Variants in NEBL observed in about 807,000 individuals in gnomAD.
NEBL encodes the protein LIM and SH3 protein 2.
NEBL carries 122 observed loss-of-function variants against 140.2 expected under a neutral mutation model. The observed-to-expected ratio is 0.87, with a 90% CI of 0.75 to 1.01. The LOEUF (loss-of-function observed/expected upper bound fraction) is 1.01, where lower values mean the gene tolerates loss of function less well. Among genes scored for constraint, NEBL ranks in the 50% least tolerant of loss-of-function variants. The probability of loss-of-function intolerance (pLI) is 0.00; values close to 1 mark genes in which losing one functional copy is unlikely to be tolerated. For synonymous variants in NEBL, 436 were observed against 398.9 expected (o/e 1.09, Z -1.11); for missense variants, 1,365 against 1,231.3 (o/e 1.11, Z -1.62).
chr10:21,255,534 C>A (rs916570446), intron 1 of NEBL, among the ~76,000 whole-genome samples: 1 of 151,978 alleles, frequency 6.6e-6, no homozygotes, highest in South Asian at 2.1e-4. Flanking sequence ...AATTTGGGTT[C>A]CTTCATTATA....
chr10:21,055,042 G>A (rs1834948816), intron 2 of NEBL, among the ~76,000 whole-genome samples: 1 of 152,336 alleles, frequency 6.6e-6, no homozygotes, highest in Admixed American at 6.5e-5. Context: ...CCCTGAAGAA[G>A]AAAATGTATC....
chr10:20,995,242 C>A (rs944139441), intron 3 of NEBL, among the ~76,000 whole-genome samples: 12 of 152,268 alleles, frequency 7.9e-5, no homozygotes, highest in Non-Finnish European at 1.6e-4. Flanking sequence ...CCAGAGCTGA[C>A]AGAGCCGGCA....
intron 3 of NEBL, among the ~76,000 whole-genome samples, chr10:21,199,049 G>A (rs567476683): frequency 6.6e-6 from 1 of 150,782 alleles, no homozygotes; most frequent in Non-Finnish European, 1.5e-5. Flanking sequence ...CTGCACAACA[G>A]GGTCTTGCTG....
intron 13 of NEBL, among the ~76,000 whole-genome samples, chr10:20,836,928 TA>T (rs1273098860): frequency 1.3e-5 from 2 of 152,274 alleles, no homozygotes; most frequent in East Asian, 3.9e-4. Context: ...AATGCACCCC[TA>T]TAAGTCAGTG....
At chr10:21,180,881 C>A (rs907006619) in intron 3 of NEBL, among the ~76,000 whole-genome samples, 2 of 152,122 alleles carry the variant, frequency 1.3e-5, no homozygotes, top group African/African-American at 4.8e-5. Flanking sequence ...ATTTTACTCT[C>A]CTAGACAGGA....
chr10:20,812,427 C>T (rs900021773), intron 24 of NEBL, among the ~76,000 whole-genome samples: 7 of 151,272 alleles, frequency 4.6e-5, no homozygotes, highest in African/African-American at 1.2e-4. Context: ...ACCCTTAACT[C>T]GTCATTTACA....
intron 3 of NEBL, among the ~76,000 whole-genome samples, chr10:20,977,264 TAA>T (rs148278297): frequency 0.072 from 11,004 of 152,158 alleles, 864 homozygotes; most frequent in East Asian, 0.36. Context: ...GACCTAAAGT[TAA>T]AAGAGAAAGA....
At chr10:21,252,674 G>A (rs1216603359) in intron 1 of NEBL, among the ~76,000 whole-genome samples, 1 of 152,208 alleles carries the variant, frequency 6.6e-6, no homozygotes, top group Non-Finnish European at 1.5e-5. Context: ...AGGCAGAGGA[G>A]GCTGGGCGCG....
At chr10:20,941,763 C>G (rs991806744) in intron 4 of NEBL, among the ~76,000 whole-genome samples, 1 of 151,992 alleles carries the variant, frequency 6.6e-6, no homozygotes, top group African/African-American at 2.4e-5. Flanking sequence ...AATCAATGTG[C>G]AAAAATCACA....
rs1381928482 is a variant in NEBL at position 21,047,542 on chromosome 10, A to C, written c.165-27341T>G. ...GCCCCAAATGAAGCTTTTTTTAAAA[A>C]AAAAAAGATTTTTTTTAACACACAC... On this transcript the variant is annotated intron_variant, in intron 2 of 6. Transcript: ENST00000417816. 2.0e-5 allele frequency among the ~76,000 whole-genome samples: 3 copies of C among 152,134 alleles called. No homozygotes were observed. The East Asian group carries it at 5.8e-4, about 29-fold the overall frequency.
At chr10:20,843,677 T>C (rs1841597663) in intron 12 of NEBL, among the ~76,000 whole-genome samples, 1 of 152,122 alleles carries the variant, frequency 6.6e-6, no homozygotes, top group African/African-American at 2.4e-5. Flanking sequence ...GCCAACTATT[T>C]CTCTTTTTTC....
intron 3 of NEBL, among the ~76,000 whole-genome samples, chr10:21,006,134 G>A (rs1019879003): frequency 2.6e-5 from 4 of 151,976 alleles, no homozygotes; most frequent in Non-Finnish European, 5.9e-5. Context: ...TTAAATGATC[G>A]CATCATATTC....
intron 3 of NEBL, among the ~76,000 whole-genome samples, chr10:21,002,013 T>C (rs530798164): frequency 1.3e-5 from 2 of 152,142 alleles, no homozygotes; most frequent in Admixed American, 1.3e-4. Flanking sequence ...GTAATTAAGG[T>C]GATTTGTTAG....
At chr10:21,153,058 G>C (rs944869593) in intron 2 of NEBL, among the ~76,000 whole-genome samples, 1 of 152,118 alleles carries the variant, frequency 6.6e-6, no homozygotes, top group African/African-American at 2.4e-5. Context: ...CACATCACGA[G>C]CCTTCTAGCT....
At position 20,812,895 on chromosome 10, in the gene NEBL, T is replaced by A; in HGVS notation, c.2392A>T (p.Thr798Ser). Residue 798 changes from threonine to serine, a missense_variant, in exon 24 of 28, where the codon ACT (threonine) becomes TCT (serine). This residue lies in a region of NEBL where 1,323 missense variants were observed against 1,154.8 expected (regional missense o/e 1.15). Coordinates refer to ENST00000377122, the MANE Select transcript of NEBL (RefSeq NM_006393.3). ...DFEKTKGRGF[T>S]PVVDDPVTER... ...GTCACAGGATCGTCCACGACGGGAG[T>A]AAAGCCTCTCCCCTTTGTTTTTTCA... 1.2e-6 allele frequency: 2 copies of A among 1,613,954 alleles called. No individual in the cohort carries two copies. Among genetic ancestry groups the A allele is most frequent in the Non-Finnish European group, 1.7e-6 (2 of 1,179,928 alleles).
intron 9 of NEBL, among the ~76,000 whole-genome samples, chr10:20,856,816 A>C (rs927539708): frequency 1.3e-5 from 2 of 151,948 alleles, no homozygotes; most frequent in African/African-American, 4.8e-5. Flanking sequence ...AAATAAATTT[A>C]TTTTTATTTT....
chr10:20,950,286 TATC>T (rs1419608599), intron 4 of NEBL, among the ~76,000 whole-genome samples: 4 of 152,252 alleles, frequency 2.6e-5, no homozygotes, highest in Non-Finnish European at 5.9e-5. Flanking sequence ...TCAAAAGTGG[TATC>T]ATCTAGAAAT....
At chr10:20,833,534 G>A (rs969281984) in intron 14 of NEBL, among the ~76,000 whole-genome samples, 3 of 152,012 alleles carry the variant, frequency 2.0e-5, no homozygotes, top group African/African-American at 7.3e-5. Context: ...GCCTGAGAGT[G>A]GAGACTTCAC....
At chr10:21,074,266 C>T (rs1036751759) in intron 2 of NEBL, among the ~76,000 whole-genome samples, 1 of 152,012 alleles carries the variant, frequency 6.6e-6, no homozygotes, top group Non-Finnish European at 1.5e-5. Context: ...CTTGTGCCTA[C>T]CCATATGTTT....
Sources: gnomAD v4.1 joint callset for allele counts (sites outside exome capture counted in the v4.1 genomes callset) on GRCh38, gnomAD v4.1.1 for gene constraint, gnomAD v4.1.1 regional missense constraint, MANE v1.5 for transcripts, NCBI Gene and HGNC (gene_info 2026-07-23, HGNC 2026-07-21) for gene names.